The following ASB1 variants were observed in gnomAD, a reference collection of about 807,000 sequenced individuals.
ASB1 encodes the protein ankyrin repeat and SOCS box containing 1.
In ASB1, 18 loss-of-function variants were observed where a neutral mutation model predicts 27.7. The observed-to-expected ratio is 0.65, with a 90% CI of 0.45 to 0.96. The LOEUF is 0.96. Among genes scored for constraint, ASB1 ranks in the 50% least tolerant of loss-of-function variants. The probability of loss-of-function intolerance (pLI) is 0.00; values close to 1 mark genes in which losing one functional copy is unlikely to be tolerated. For missense variants in ASB1, 397 were observed against 451.7 expected, an observed-to-expected ratio of 0.88 and a Z score of 1.10; for synonymous variants, 189 against 187.6, an observed-to-expected ratio of 1.01 and a Z score of -0.06.
At chr2:238,429,619 C>T (rs1701827930) in intron 1 of ASB1, among the ~76,000 whole-genome samples, 1 of 152,128 alleles carries the variant, frequency 6.6e-6, no homozygotes, top group Non-Finnish European at 1.5e-5. Context: ...GTTATGTTTA[C>T]ATGATACTAT....
chr2:238,447,262 CA>C lies in ASB1; in HGVS notation c.*753del, dbSNP rs1702198687. 1.3e-5 allele frequency: 2 copies of C among 152,712 alleles called. No individual in the cohort carries two copies. The highest frequency in any genetic ancestry group is 2.9e-5 in the Non-Finnish European group (2 of 68,134). The allele number at this position is 152,712 out of a possible 1,614,324, so 9.5% of individuals were successfully genotyped here. A position where few individuals can be genotyped will look rare whatever the true frequency, so the allele number is the denominator to read the frequency against. On this transcript the variant is annotated 3_prime_UTR_variant, in exon 5 of 5. Transcript: ENST00000264607. ...CCTTCCTTGGGACCAAGGACCGTTC[CA>C]ACAGCATTCACTGCCAGTTCTAATA...
At chr2:238,443,807 G>T (rs1702124687) in intron 3 of ASB1, among the ~76,000 whole-genome samples, 2 of 150,770 alleles carry the variant, frequency 1.3e-5, no homozygotes, top group Non-Finnish European at 2.9e-5. Context: ...ATTTTACAAT[G>T]GATTATATTA....
chr2:238,428,389 C>G (rs1291493400), intron 1 of ASB1, among the ~76,000 whole-genome samples: 3 of 152,140 alleles, frequency 2.0e-5, no homozygotes, highest in Admixed American at 6.5e-5. Flanking sequence ...CTCGGGGGTT[C>G]AAGCGATGCT....
chr2:238,435,363 C>T lies in ASB1; in HGVS notation c.192-348C>T, dbSNP rs77838056. On this transcript the variant is annotated intron_variant, in intron 2 of 4. Coordinates refer to ENST00000264607, the MANE Select transcript of ASB1 (RefSeq NM_001040445.3). ...TCTTACCCAGACTCCCGGGCGAGTG[C>T]GCTGTTCATTTGGCACTGCCTCCCA... The T allele has an allele frequency of 7.4e-3, 2,105 of 282,966 alleles. 44 individuals carry two copies. The highest frequency in any genetic ancestry group is 0.035 in the African/African-American group (1,592 of 45,476). 17.5% of individuals were successfully genotyped at this position (282,966 alleles called of 1,614,324 possible).
intron 3 of ASB1, among the ~76,000 whole-genome samples, chr2:238,439,296 G>C (rs1003098772): frequency 6.6e-6 from 1 of 152,056 alleles, no homozygotes; most frequent in Non-Finnish European, 1.5e-5. Flanking sequence ...AGAGTGGGTG[G>C]TGTTTGTGTT....
intron 1 of ASB1, among the ~76,000 whole-genome samples, chr2:238,428,276 C>T (rs894179278): frequency 2.0e-5 from 3 of 152,200 alleles, no homozygotes; most frequent in South Asian, 4.1e-4. Context: ...TAAACACTGG[C>T]TTTGTCGGCT....
At chr2:238,436,601 T>C (rs1479894929) in intron 3 of ASB1, among the ~76,000 whole-genome samples, 1 of 152,100 alleles carries the variant, frequency 6.6e-6, no homozygotes, top group Non-Finnish European at 1.5e-5. Context: ...TGGGCTCAAG[T>C]GACCCTCCTG....
Position 238,446,427 on chromosome 2 carries a change from A to T in ASB1, c.924A>T (p.Arg308Ser). The change falls in exon 5 of 5, where the codon AGA becomes AGT. Residue 308 changes from arginine to serine, a missense_variant. By Grantham distance (110) the Arg-to-Ser change is moderately radical. Coordinates refer to ENST00000264607, the MANE Select transcript of ASB1 (RefSeq NM_001040445.3). ...TLLCLCRVAV[R>S]RALGKHRLHL... ...TGTGTCTGTGCCGTGTGGCTGTGAG[A>T]AGAGCTCTTGGCAAACACCGGCTTC... is the stretch of plus-strand genomic sequence containing the variant. The T allele has an allele frequency of 6.2e-7, 1 of 1,613,714 alleles. No individual in the cohort carries two copies. The highest frequency in any genetic ancestry group is 1.7e-5 in the Admixed American group (1 of 59,988).
Position 238,449,791 on chromosome 2 carries a change from C to T in ASB1, c.*3280C>T, listed in dbSNP as rs891233334. 1 of 152,116 alleles carries T rather than the reference C, an allele frequency of 6.6e-6. No individual in the cohort carries two copies. Among genetic ancestry groups the T allele is most frequent in the African/African-American group, 2.4e-5 (1 of 41,420 alleles). 9.4% of individuals were successfully genotyped at this position (152,116 alleles called of 1,614,324 possible). On this transcript the variant is annotated 3_prime_UTR_variant, in exon 5 of 5. Coordinates refer to ENST00000264607, the MANE Select transcript of ASB1 (RefSeq NM_001040445.3). The stretch of plus-strand genomic sequence containing the variant: ...AACAGGTAATTTTAAAGAGAAGGAA[C>T]AATTGTTTTTAGTAAGTTTTCTTTT...
chr2:238,442,716 C>T (rs941741181), intron 3 of ASB1, among the ~76,000 whole-genome samples: 2 of 152,072 alleles, frequency 1.3e-5, no homozygotes, highest in African/African-American at 4.8e-5. Context: ...GAATTTATTC[C>T]AGTATATGCT....
At chr2:238,438,198 C>CCTTTTTTTT (rs1559414171) in intron 3 of ASB1, among the ~76,000 whole-genome samples, 2 of 44,980 alleles carry the variant, frequency 4.4e-5, no homozygotes, top group African/African-American at 2.0e-4. Context: ...AGATGCCCTT[C>CCTTTTTTTT]ATTTTTTTTT....
Position 238,444,389 on chromosome 2 carries a change from A to G in ASB1, c.542A>G (p.Gln181Arg), listed in dbSNP as rs139021902. 51 of 1,613,256 alleles carry G rather than the reference A, an allele frequency of 3.2e-5. No individual in the cohort carries two copies. Among genetic ancestry groups the G allele is most frequent in the Non-Finnish European group, 4.2e-5 (50 of 1,179,440 alleles). The part of the protein sequence containing the change: ...DVNHHLTPDV[Q>R]PRFSRRLTSL... ...AACCACCACCTGACTCCTGATGTCCAGCCTCGATTCTCCCGGCGGCTCACC... is the reference window on the plus strand; with the variant it reads ...AACCACCACCTGACTCCTGATGTCCGGCCTCGATTCTCCCGGCGGCTCACC... The change falls in exon 4 of 5, where the codon CAG becomes CGG. Residue 181 changes from glutamine to arginine, a missense_variant. Coordinates refer to ENST00000264607, the MANE Select transcript of ASB1 (RefSeq NM_001040445.3).
At chr2:238,442,565 A>G (rs1034006220) in intron 3 of ASB1, among the ~76,000 whole-genome samples, 4 of 152,152 alleles carry the variant, frequency 2.6e-5, no homozygotes, top group Admixed American at 6.5e-5. Context: ...ATGCTATGCA[A>G]GAGTTTTTCT....
rs545535041 is a variant in ASB1 at position 238,426,966 on chromosome 2, A to G, written c.-105A>G. The G allele has an allele frequency of 3.2e-6, 3 of 939,434 alleles. No individual in the cohort carries two copies. The highest frequency in any genetic ancestry group is 1.7e-5 in the African/African-American group (1 of 58,378). 58.2% of individuals were successfully genotyped at this position (939,434 alleles called of 1,614,324 possible). ...GCGCCCGCCGGAAGCCGCGACCCCG[A>G]CGCGCCCCCCATTGCCCTCGGCGCC... On this transcript the variant is annotated 5_prime_UTR_variant, in exon 1 of 5. Transcript: ENST00000264607.
intron 4 of ASB1, among the ~76,000 whole-genome samples, chr2:238,445,256 G>A: frequency 6.6e-6 from 1 of 152,156 alleles, no homozygotes; most frequent in East Asian, 1.9e-4. Flanking sequence ...TGGGATTACA[G>A]GCACGAGCCA....
At chr2:238,437,019 A>G (rs776467340) in intron 3 of ASB1, among the ~76,000 whole-genome samples, 4 of 151,974 alleles carry the variant, frequency 2.6e-5, no homozygotes, top group Non-Finnish European at 5.9e-5. Flanking sequence ...TTTAGTTTTA[A>G]CCCTAGGGAG....
At chr2:238,430,568 A>G (rs903814240) in intron 1 of ASB1, among the ~76,000 whole-genome samples, 2 of 152,232 alleles carry the variant, frequency 1.3e-5, no homozygotes, top group Non-Finnish European at 2.9e-5. Context: ...TTGACCTCCC[A>G]TGAATCACAA....
intron 1 of ASB1, 45 bp downstream of exon 1, chr2:238,427,164 C>A: frequency 8.3e-7 from 1 of 1,210,964 alleles, no homozygotes; most frequent in Non-Finnish European, 1.0e-6. Context: ...GTGGGGATGG[C>A]GAAGGGCTGG....
chr2:238,432,884 C>T (rs957355527), intron 1 of ASB1, among the ~76,000 whole-genome samples: 18 of 151,438 alleles, frequency 1.2e-4, no homozygotes, highest in South Asian at 4.2e-4. Context: ...GTAGCTGGGA[C>T]TACAGGTGCG....
Sources: allele counts gnomAD v4.1 joint callset (sites outside exome capture counted in the v4.1 genomes callset), GRCh38; gene constraint gnomAD v4.1.1; transcripts MANE v1.5; gene names NCBI Gene and HGNC (gene_info 2026-07-23, HGNC 2026-07-21).